Variants in CDK17 observed in about 807,000 individuals in gnomAD.
CDK17 encodes the protein cyclin-dependent kinase 17.
In CDK17, 24 loss-of-function variants were observed where a neutral mutation model predicts 77.6. That is an observed-to-expected ratio of 0.31 (90% CI 0.22 to 0.44). The LOEUF is 0.44. Ranked by LOEUF, CDK17 falls within the 20% of genes least tolerant of loss-of-function variation. The pLI is 1.00. For synonymous variants in CDK17, 203 were observed against 210.4 expected (o/e 0.96, Z 0.30); for missense variants, 429 against 622.5 (o/e 0.69, Z 3.31).
At position 96,298,854 on chromosome 12, in the gene CDK17, G is replaced by A; in HGVS notation, c.715+15C>T. ...CACCACTTTGATTTTAAAATGTTCT[G>A]TATAATTATTATACCTTCTCTTATA... is the stretch of plus-strand genomic sequence containing the variant. On this transcript the variant is annotated intron_variant, in intron 7 of 16. Coordinates refer to ENST00000261211, the MANE Select transcript of CDK17 (RefSeq NM_002595.5). The A allele has an allele frequency of 7.3e-7, 1 of 1,369,290 alleles. No individual in the cohort carries two copies. Among genetic ancestry groups the A allele is most frequent in the African/African-American group, 1.4e-5 (1 of 69,186 alleles). The allele number at this position is 1,369,290 out of a possible 1,614,324, so 84.8% of individuals were successfully genotyped here.
chr12:96,386,734 G>GT (rs1953982694), intron 1 of CDK17: 1 of 152,290 alleles, frequency 6.6e-6, no homozygotes, highest in Admixed American at 6.6e-5. Flanking sequence ...TTTTTTGATA[G>GT]AAAAAAATTT....
intron 2 of CDK17, among the ~76,000 whole-genome samples, chr12:96,332,023 G>C (rs772635589): frequency 6.6e-5 from 10 of 152,148 alleles, no homozygotes; most frequent in Non-Finnish European, 1.3e-4. Context: ...GCCTAGTGAT[G>C]CCAGTGATGC....
At chr12:96,394,245 C>CA (rs71097287) in intron 1 of CDK17, among the ~76,000 whole-genome samples, 129 of 134,000 alleles carry the variant, frequency 9.6e-4, no homozygotes, top group Middle Eastern at 4.0e-3. Flanking sequence ...GACTCCATCT[C>CA]AAAAAAAAAA....
intron 1 of CDK17, among the ~76,000 whole-genome samples, chr12:96,360,320 T>C (rs982032274): frequency 1.2e-4 from 18 of 152,310 alleles, no homozygotes; most frequent in African/African-American, 4.3e-4. Flanking sequence ...GGTATCTTGA[T>C]AGATGGATTT....
intron 13 of CDK17, among the ~76,000 whole-genome samples, chr12:96,285,084 G>A (rs1164826956): frequency 6.6e-6 from 1 of 152,112 alleles, no homozygotes; most frequent in Non-Finnish European, 1.5e-5. Flanking sequence ...AAGTCATGGA[G>A]ACTCTGCTTC....
intron 3 of CDK17, among the ~76,000 whole-genome samples, chr12:96,316,605 A>G (rs1350697207): frequency 7.2e-6 from 1 of 139,368 alleles, no homozygotes; most frequent in African/African-American, 2.7e-5. Context: ...GCAGCTGGAG[A>G]TCTGAGAACG....
At chr12:96,353,126 T>C (rs1953336588) in intron 1 of CDK17, among the ~76,000 whole-genome samples, 1 of 152,222 alleles carries the variant, frequency 6.6e-6, no homozygotes, top group Non-Finnish European at 1.5e-5. Context: ...GTAATATCAA[T>C]GACACTTTTA....
chr12:96,340,140 A>C (rs1953102997), intron 1 of CDK17, among the ~76,000 whole-genome samples: 1 of 151,854 alleles, frequency 6.6e-6, no homozygotes, highest in Non-Finnish European at 1.5e-5. Context: ...GTTTTAAGAG[A>C]GTCTAAGAGA....
At chr12:96,384,936 G>A (rs1953948752) in intron 1 of CDK17, among the ~76,000 whole-genome samples, 2 of 147,910 alleles carry the variant, frequency 1.4e-5, no homozygotes, top group Non-Finnish European at 3.0e-5. Flanking sequence ...CTTGAGCCCA[G>A]AAGGTCAAGG....
Position 96,378,390 on chromosome 12 carries a change from C to T in CDK17, c.-30+21596G>A, listed in dbSNP as rs139639522. Among the ~76,000 whole-genome samples, 1,101 of 152,270 alleles carry T rather than the reference C, an allele frequency of 7.2e-3. 13 individuals are homozygous for T. Among genetic ancestry groups the T allele is most frequent in the African/African-American group, 0.024 (1,001 of 41,546 alleles). Reference sequence around the variant, plus strand: ...CTGTGTCCCTTTGACATAACTCATTCGTGTTTTTGTTTGAATAGTTCCTTC... The same window carrying T: ...CTGTGTCCCTTTGACATAACTCATTTGTGTTTTTGTTTGAATAGTTCCTTC... On this transcript the variant is annotated intron_variant, in intron 1 of 16. Coordinates refer to ENST00000261211, the MANE Select transcript of CDK17 (RefSeq NM_002595.5).
chr12:96,347,531 C>A (rs1426769547), intron 1 of CDK17, among the ~76,000 whole-genome samples: 1 of 144,468 alleles, frequency 6.9e-6, no homozygotes, highest in Non-Finnish European at 1.5e-5. Flanking sequence ...ACACTCCAGC[C>A]TGGACGACAG....
At chr12:96,342,097 T>C (rs899592930) in intron 1 of CDK17, among the ~76,000 whole-genome samples, 1 of 152,230 alleles carries the variant, frequency 6.6e-6, no homozygotes, top group Admixed American at 6.5e-5. Flanking sequence ...ACTAAGATTA[T>C]TCCACGTAAT....
chr12:96,331,834 AG>A (rs367763747), intron 2 of CDK17, among the ~76,000 whole-genome samples: 4 of 152,322 alleles, frequency 2.6e-5, no homozygotes, highest in African/African-American at 9.6e-5. Flanking sequence ...CAAGAGTAAT[AG>A]GACTGTGATC....
At chr12:96,355,175 A>G (rs1425584277) in intron 1 of CDK17, among the ~76,000 whole-genome samples, 1 of 151,766 alleles carries the variant, frequency 6.6e-6, no homozygotes, top group Non-Finnish European at 1.5e-5. Flanking sequence ...CCATTCCACT[A>G]TAGCAGCTGT....
chr12:96,298,796 CTCT>C (rs1952452230), intron 7 of CDK17, 70 bp downstream of exon 7: 9 of 775,538 alleles, frequency 1.2e-5, no homozygotes, highest in African/African-American at 1.8e-5. Context: ...TATATCTGAG[CTCT>C]TTTTACTTAT....
intron 8 of CDK17, 113 bp from the exon 9 acceptor site, chr12:96,297,445 C>A (rs1952424274): frequency 4.0e-6 from 3 of 748,408 alleles, no homozygotes; most frequent in Non-Finnish European, 4.5e-6. Context: ...ATACTGGATG[C>A]ACCATACACA....
chr12:96,314,351 G>GTGTTT (rs530648042), intron 3 of CDK17, among the ~76,000 whole-genome samples: 219 of 151,732 alleles, frequency 1.4e-3, no homozygotes, highest in African/African-American at 5.2e-3. Context: ...ATCACATCTG[G>GTGTTT]TGTTTTGTTT....
At chr12:96,392,422 T>C (rs1400237181) in intron 1 of CDK17, among the ~76,000 whole-genome samples, 5 of 152,114 alleles carry the variant, frequency 3.3e-5, no homozygotes, top group East Asian at 1.9e-4. Context: ...AGAAAGAATA[T>C]GGTTAGATTA....
intron 1 of CDK17, among the ~76,000 whole-genome samples, chr12:96,341,626 A>C (rs1192110938): frequency 6.6e-6 from 1 of 152,152 alleles, no homozygotes; most frequent in East Asian, 1.9e-4. Flanking sequence ...AATTAAGGAA[A>C]GGTAAGAATT....
Sources: allele counts gnomAD v4.1 joint callset (sites outside exome capture counted in the v4.1 genomes callset), GRCh38; gene constraint gnomAD v4.1.1; transcripts MANE v1.5; gene names NCBI Gene and HGNC (gene_info 2026-07-23, HGNC 2026-07-21).